PTPRN2: variants seen among roughly 807,000 people sequenced by gnomAD.
The protein encoded by PTPRN2 is receptor-type tyrosine-protein phosphatase N2.
In PTPRN2, 74 loss-of-function variants were observed where a neutral mutation model predicts 118.8. That is an observed-to-expected ratio of 0.62 (90% CI 0.52 to 0.76). The LOEUF (loss-of-function observed/expected upper bound fraction) is 0.76, where lower values mean the gene tolerates loss of function less well. PTPRN2 is among the 30% of genes least tolerant of loss of function. The pLI is 0.00. For synonymous variants in PTPRN2, 641 were observed against 608.0 expected (o/e 1.05, Z -0.80); for missense variants, 1,481 against 1,394.4 (o/e 1.06, Z -0.99).
chr7:158,312,204 GCACA>G (rs1554450979), intron 3 of PTPRN2, among the ~76,000 whole-genome samples: 1 of 10,386 alleles, frequency 9.6e-5, no homozygotes, highest in Non-Finnish European at 2.6e-4. Flanking sequence ...ACACTCACAT[GCACA>G]CACACGTGCT....
At chr7:158,073,322 G>A (rs1812084392) in intron 11 of PTPRN2, among the ~76,000 whole-genome samples, 1 of 152,226 alleles carries the variant, frequency 6.6e-6, no homozygotes, top group South Asian at 2.1e-4. Flanking sequence ...CAGGAGGAAG[G>A]AGCATGGTGG....
intron 3 of PTPRN2, among the ~76,000 whole-genome samples, chr7:158,290,345 C>A (rs1212758595): frequency 6.6e-6 from 1 of 152,108 alleles, no homozygotes; most frequent in African/African-American, 2.4e-5. Context: ...CCAGGATAGG[C>A]CTGGGTCCTG....
chr7:157,989,548 G>C (rs10257986), intron 11 of PTPRN2, among the ~76,000 whole-genome samples: 119,608 of 151,916 alleles, frequency 0.79, 47,327 homozygotes, highest in Non-Finnish European at 0.81. Flanking sequence ...TCGGAGGGAC[G>C]AGGGCTGCTG....
intron 11 of PTPRN2, among the ~76,000 whole-genome samples, chr7:158,059,554 G>T (rs533329263): frequency 9.1e-6 from 1 of 110,288 alleles, no homozygotes; most frequent in African/African-American, 4.6e-5. Flanking sequence ...ACACATCACT[G>T]CAGCCACACT....
chr7:158,458,489 G>C (rs946085524), intron 2 of PTPRN2, among the ~76,000 whole-genome samples: 12 of 151,922 alleles, frequency 7.9e-5, no homozygotes, highest in African/African-American at 2.9e-4. Flanking sequence ...AAGCTCCCCC[G>C]GTTTTTAAAA....
intron 12 of PTPRN2, among the ~76,000 whole-genome samples, chr7:157,709,446 A>G (rs1482618668): frequency 6.6e-6 from 1 of 152,184 alleles, no homozygotes; most frequent in African/African-American, 2.4e-5. Flanking sequence ...CTGGGAAATT[A>G]CTGGCAGTGG....
At position 158,049,229 on chromosome 7, in the gene PTPRN2, C is replaced by T. The variant is rs1809150035; in HGVS notation, c.1723+32069G>A. 5.7e-5 allele frequency among the ~76,000 whole-genome samples: 3 copies of T among 52,450 alleles called. No individual in the cohort carries two copies. In the Admixed American group the frequency reaches 7.4e-4, roughly 13 times the overall value. 34.4% of individuals were successfully genotyped at this position (52,450 alleles called of 152,430 possible). ...TCATCATCATCATCATTGTCATCAGCATCTCCATCTGACTGGTGGCCCTGG... is the reference window on the plus strand; with the variant it reads ...TCATCATCATCATCATTGTCATCAGTATCTCCATCTGACTGGTGGCCCTGG... On this transcript the variant is annotated intron_variant, in intron 11 of 22. Transcript: ENST00000389418.
chr7:157,655,960 C>CAA (rs1006472742), intron 14 of PTPRN2, among the ~76,000 whole-genome samples: 15 of 151,834 alleles, frequency 9.9e-5, no homozygotes, highest in Non-Finnish European at 1.8e-4. Context: ...TTTATTTACC[C>CAA]AAATGACGCT....
intron 14 of PTPRN2, among the ~76,000 whole-genome samples, chr7:157,651,789 G>A (rs1057052723): frequency 2.6e-5 from 4 of 152,234 alleles, no homozygotes; most frequent in African/African-American, 2.4e-5. Context: ...CCTTCATCAC[G>A]TCCTTGCTTT....
intron 12 of PTPRN2, among the ~76,000 whole-genome samples, chr7:157,733,214 G>A (rs1800055347): frequency 4.4e-5 from 1 of 22,804 alleles, no homozygotes. Flanking sequence ...ACCCTTTCCC[G>A]TCCCACGCGC....
In PTPRN2 at chr7:158,373,994, G is replaced by A. The variant is rs572085643; in HGVS notation, c.164-57062C>T. On this transcript the variant is annotated intron_variant, in intron 2 of 22. Transcript: ENST00000389418. Reference sequence around the variant, plus strand: ...CGCTGTGGGTGCTGGGCTGGGCCCTGAGGGAAACGGGCAGAGTGTGATGAC... The same window carrying A: ...CGCTGTGGGTGCTGGGCTGGGCCCTAAGGGAAACGGGCAGAGTGTGATGAC... 8.5e-5 allele frequency among the ~76,000 whole-genome samples: 13 copies of A among 152,376 alleles called. No homozygotes were observed. In the South Asian group the frequency reaches 2.3e-3, roughly 27 times the overall value.
At chr7:158,303,346 TC>T (rs1320595131) in intron 3 of PTPRN2, among the ~76,000 whole-genome samples, 1 of 152,184 alleles carries the variant, frequency 6.6e-6, no homozygotes, top group Non-Finnish European at 1.5e-5. Context: ...CCTCTGTGAT[TC>T]CGTCTCTTTA....
At chr7:158,539,813 C>T (rs1825874160) in intron 1 of PTPRN2, 1 of 248,720 alleles carries the variant, frequency 4.0e-6, no homozygotes, top group Non-Finnish European at 7.9e-6. Context: ...ATACTGTGAG[C>T]CTGGAGCTGG....
At chr7:158,352,692 T>C (rs1808098535) in intron 2 of PTPRN2, among the ~76,000 whole-genome samples, 1 of 152,208 alleles carries the variant, frequency 6.6e-6, no homozygotes, top group South Asian at 2.1e-4. Context: ...ACAATATTGA[T>C]TGACAAAAAC....
chr7:158,283,572 C>G (rs1241017923), intron 3 of PTPRN2, among the ~76,000 whole-genome samples: 1 of 152,192 alleles, frequency 6.6e-6, no homozygotes. Flanking sequence ...GACATAGGGA[C>G]CTTGCTGTGG....
intron 12 of PTPRN2, among the ~76,000 whole-genome samples, chr7:157,694,474 G>A (rs1327393963): frequency 2.0e-5 from 3 of 152,158 alleles, no homozygotes; most frequent in Non-Finnish European, 2.9e-5. Flanking sequence ...AACTGGCCTC[G>A]CCAAAGCTGA....
intron 2 of PTPRN2, among the ~76,000 whole-genome samples, chr7:158,364,824 A>G (rs1809307470): frequency 6.6e-6 from 1 of 152,216 alleles, no homozygotes; most frequent in African/African-American, 2.4e-5. Flanking sequence ...CCTGCCAAGG[A>G]CTGTGGCCTG....
chr7:157,802,046 G>A (rs960206871), intron 12 of PTPRN2, among the ~76,000 whole-genome samples: 4 of 152,100 alleles, frequency 2.6e-5, no homozygotes, highest in African/African-American at 7.2e-5. Context: ...CCGCCCCGGC[G>A]TCCCTCTCCG....
At chr7:158,397,245 G>C (rs1375475921) in intron 2 of PTPRN2, among the ~76,000 whole-genome samples, 2 of 152,258 alleles carry the variant, frequency 1.3e-5, no homozygotes, top group Non-Finnish European at 2.9e-5. Context: ...TGCCCTCCGA[G>C]GTAGGGACAG....
Sources: gnomAD v4.1 joint callset for allele counts (sites outside exome capture counted in the v4.1 genomes callset) on GRCh38, gnomAD v4.1.1 for gene constraint, MANE v1.5 for transcripts, NCBI Gene and HGNC (gene_info 2026-07-23, HGNC 2026-07-21) for gene names.